The following NTRK3 variants were observed in gnomAD, a reference collection of about 807,000 sequenced individuals.
NTRK3 encodes neurotrophic receptor tyrosine kinase 3.
Under a neutral mutation model 91.7 loss-of-function variants are expected in NTRK3, and 24 were observed. The observed-to-expected ratio is 0.26, with a 90% CI of 0.19 to 0.37. The LOEUF is 0.37. NTRK3 is among the 10% of genes least tolerant of loss of function. NTRK3 has a pLI of 1.00. For missense variants in NTRK3, 880 were observed against 1,068.9 expected, an observed-to-expected ratio of 0.82 and a Z score of 2.46; for synonymous variants, 483 against 404.0, an observed-to-expected ratio of 1.20 and a Z score of -2.34.
At chr15:88,001,163 T>A (rs908491700) in intron 14 of NTRK3, among the ~76,000 whole-genome samples, 2 of 152,186 alleles carry the variant, frequency 1.3e-5, no homozygotes, top group Non-Finnish European at 2.9e-5. Context: ...AAATGTCTAT[T>A]CAAACCATTT....
At chr15:88,088,083 T>C (rs977912128) in intron 13 of NTRK3, among the ~76,000 whole-genome samples, 8 of 152,170 alleles carry the variant, frequency 5.3e-5, no homozygotes, top group African/African-American at 1.4e-4. Flanking sequence ...TTCCAGCTGA[T>C]TGTGTGTAAA....
At chr15:88,109,153 C>T (rs1044925017) in intron 13 of NTRK3, among the ~76,000 whole-genome samples, 1 of 152,216 alleles carries the variant, frequency 6.6e-6, no homozygotes, top group African/African-American at 2.4e-5. Context: ...AGCACCACCG[C>T]GCAAGGTAGA....
chr15:88,100,299 C>A (rs2050036666), intron 13 of NTRK3, among the ~76,000 whole-genome samples: 5 of 152,160 alleles, frequency 3.3e-5, no homozygotes, highest in Admixed American at 3.3e-4. Flanking sequence ...GTGTTATAAC[C>A]AAACAGCCAA....
At chr15:88,033,756 T>C (rs1405220828) in intron 13 of NTRK3, among the ~76,000 whole-genome samples, 1 of 152,200 alleles carries the variant, frequency 6.6e-6, no homozygotes, top group African/African-American at 2.4e-5. Context: ...AAGGTAAATT[T>C]AAATGACCCT....
exon 19 of NTRK3, chr15:87,876,090 T>C (rs1024464708): frequency 2.6e-5 from 6 of 232,434 alleles, no homozygotes; most frequent in African/African-American, 1.3e-4. Flanking sequence ...TATTTTTTCT[T>C]CTGTGGTTCT....
At chr15:87,901,014 A>G (rs960120784) in intron 17 of NTRK3, among the ~76,000 whole-genome samples, 21 of 152,094 alleles carry the variant, frequency 1.4e-4, no homozygotes, top group Admixed American at 4.6e-4. Flanking sequence ...CTGCTACTCT[A>G]CAACTGGGTC....
intron 3 of NTRK3, among the ~76,000 whole-genome samples, chr15:88,224,108 T>C (rs1219134327): frequency 6.6e-6 from 1 of 152,166 alleles, no homozygotes; most frequent in African/African-American, 2.4e-5. Flanking sequence ...GTGCAGATAA[T>C]GTAAGACAAG....
At chr15:87,938,329 G>T (rs548132275) in intron 15 of NTRK3, among the ~76,000 whole-genome samples, 47 of 152,308 alleles carry the variant, frequency 3.1e-4, no homozygotes, top group African/African-American at 1.1e-3. Context: ...TTCTTTAGAG[G>T]TATAAAATTA....
chr15:87,936,639 C>T (rs1420026436), intron 15 of NTRK3, among the ~76,000 whole-genome samples: 1 of 151,466 alleles, frequency 6.6e-6, no homozygotes, highest in Non-Finnish European at 1.5e-5. Flanking sequence ...ACATGATATA[C>T]ACACATTCCT....
At chr15:88,105,854 C>T (rs1597344781) in intron 13 of NTRK3, among the ~76,000 whole-genome samples, 1 of 152,126 alleles carries the variant, frequency 6.6e-6, no homozygotes, top group African/African-American at 2.4e-5. Flanking sequence ...TCTCTCAATA[C>T]CTTCTCACGT....
chr15:88,027,508 G>A (rs1027245761), intron 14 of NTRK3, among the ~76,000 whole-genome samples: 22 of 152,044 alleles, frequency 1.4e-4, no homozygotes, highest in Non-Finnish European at 2.6e-4. Flanking sequence ...TCAGCCTCCC[G>A]AGTAGCTGGG....
chr15:88,188,442 A>G lies in NTRK3; in HGVS notation c.249-4143T>C, dbSNP rs186049190. ...GTAGAGATTAGAGATGTTGCTAAAC[A>G]TCCTGCAATGCACAGGACAGCCCCC... On this transcript the variant is annotated intron_variant, in intron 3 of 18. Coordinates refer to ENST00000394480, the Ensembl canonical transcript of NTRK3. 9.2e-5 allele frequency among the ~76,000 whole-genome samples: 14 copies of G among 152,366 alleles called. No individual in the cohort carries two copies. In the East Asian group the frequency reaches 2.1e-3, roughly 23 times the overall value.
At chr15:88,040,878 C>A (rs1393287436) in intron 13 of NTRK3, among the ~76,000 whole-genome samples, 1 of 151,934 alleles carries the variant, frequency 6.6e-6, no homozygotes, top group Non-Finnish European at 1.5e-5. Context: ...ATTTGATCCT[C>A]AACAACTACC....
chr15:88,040,900 T>C (rs1397185045), intron 13 of NTRK3, among the ~76,000 whole-genome samples: 1 of 152,230 alleles, frequency 6.6e-6, no homozygotes, highest in Non-Finnish European at 1.5e-5. Flanking sequence ...TTATTCTCAT[T>C]TAATCAACAA....
At position 87,866,025 on chromosome 15, in the gene NTRK3, C is replaced by T. The variant is rs2064666547; in HGVS notation, c.*10910G>A. The T allele has an allele frequency of 1.3e-5, 3 of 231,250 alleles. No homozygotes were observed. In the East Asian group the frequency reaches 1.8e-4, roughly 14 times the overall value. The allele number at this position is 231,250 out of a possible 1,614,324, so 14.3% of individuals were successfully genotyped here. A position where few individuals can be genotyped will look rare whatever the true frequency, so the allele number is the denominator to read the frequency against. On this transcript the variant is annotated 3_prime_UTR_variant, in exon 19 of 19. Coordinates refer to ENST00000394480, the Ensembl canonical transcript of NTRK3. The stretch of plus-strand genomic sequence containing the variant: ...TATGCAACTGCCCAGAGAGTGGGCT[C>T]TATTTGTCTGGCCCTGTACAGTTCA...
chr15:87,939,648 G>C (rs2069624033), intron 15 of NTRK3, among the ~76,000 whole-genome samples: 1 of 152,140 alleles, frequency 6.6e-6, no homozygotes, highest in Admixed American at 6.5e-5. Flanking sequence ...CTGGGTGAAT[G>C]TCTTCACGGG....
In NTRK3 at chr15:88,253,139, A is replaced by T. The variant is rs144915161; in HGVS notation, c.248+2767T>A. 21 of 152,254 alleles carry T rather than the reference A, an allele frequency of 1.4e-4. 1 individual carries two copies. Among genetic ancestry groups the T allele is most frequent in the African/African-American group, 4.3e-4 (18 of 41,520 alleles). The allele number at this position is 152,254 out of a possible 1,614,324, so 9.4% of individuals were successfully genotyped here. The stretch of plus-strand genomic sequence containing the variant: ...TCTACCCAGAGTGTGCCCAAGCTAT[A>T]CCCTGGGGCAGCCACCAGCATCAAG... On this transcript the variant is annotated intron_variant, in intron 3 of 18. Coordinates refer to ENST00000394480, the Ensembl canonical transcript of NTRK3.
chr15:88,203,868 T>A (rs2048504469), intron 3 of NTRK3, among the ~76,000 whole-genome samples: 1 of 152,150 alleles, frequency 6.6e-6, no homozygotes, highest in Non-Finnish European at 1.5e-5. Flanking sequence ...GCAAAGATAA[T>A]TTTTTTAAAT....
chr15:88,113,900 C>T (rs2051735617), intron 13 of NTRK3, among the ~76,000 whole-genome samples: 1 of 152,142 alleles, frequency 6.6e-6, no homozygotes, highest in Non-Finnish European at 1.5e-5. Flanking sequence ...ACTTTAATGG[C>T]AGTATGACCA....
Sources: gnomAD v4.1 joint callset for allele counts (sites outside exome capture counted in the v4.1 genomes callset) on GRCh38, gnomAD v4.1.1 for gene constraint, MANE v1.5 for transcripts, NCBI Gene and HGNC (gene_info 2026-07-23, HGNC 2026-07-21) for gene names.